The following AHDC1 variants were observed in gnomAD, a reference collection of about 807,000 sequenced individuals.
AHDC1 encodes the protein AT-hook DNA binding motif containing 1, also known as transcription factor Gibbin.
AHDC1 carries 7 observed loss-of-function variants against 87.9 expected under a neutral mutation model. The observed-to-expected ratio is 0.08, with a 90% CI of 0.05 to 0.15. The LOEUF (loss-of-function observed/expected upper bound fraction) is 0.15, where lower values mean the gene tolerates loss of function less well. Ranked by LOEUF, AHDC1 falls within the 10% of genes least tolerant of loss-of-function variation. The pLI, the probability that AHDC1 is intolerant of heterozygous loss-of-function variation, is 1.00. For synonymous variants in AHDC1, 1,051 were observed against 1,006.8 expected, an observed-to-expected ratio of 1.04 and a Z score of -0.83; for missense variants, 1,841 against 2,253.2, an observed-to-expected ratio of 0.82 and a Z score of 3.70.
intron 3 of AHDC1, among the ~76,000 whole-genome samples, chr1:27,570,957 G>A (rs926388149): frequency 6.6e-6 from 1 of 152,048 alleles, no homozygotes; most frequent in African/African-American, 2.4e-5. Context: ...CCACATGAGT[G>A]GCTATAAGGT....
chr1:27,591,563 ACAGC>A (rs1309827016), intron 3 of AHDC1, among the ~76,000 whole-genome samples: 1 of 152,222 alleles, frequency 6.6e-6, no homozygotes, highest in Non-Finnish European at 1.5e-5. Context: ...AGGAGTCCTC[ACAGC>A]CACCCAAGTC....
At position 27,553,574 on chromosome 1, in the gene AHDC1, C is replaced by T. The variant is rs748365292; in HGVS notation, c.-224-389G>A. The T allele has an allele frequency of 5.3e-5, 8 of 152,080 alleles. 1 individual carries two copies. The highest frequency in any genetic ancestry group is 1.2e-4 in the Non-Finnish European group (8 of 68,016). 9.4% of individuals were successfully genotyped at this position (152,080 alleles called of 1,614,324 possible). ...ACATTTTCTGTTGCCAAACACTGGGCCAAGCACTTTATATAGATTATCTCA... is the reference window on the plus strand; with the variant it reads ...ACATTTTCTGTTGCCAAACACTGGGTCAAGCACTTTATATAGATTATCTCA... On this transcript the variant is annotated intron_variant, in intron 5 of 8. Coordinates refer to ENST00000673934, the MANE Select transcript of AHDC1 (RefSeq NM_001371928.1).
chr1:27,537,973 A>G (rs1166891951), intron 8 of AHDC1, among the ~76,000 whole-genome samples: 1 of 152,200 alleles, frequency 6.6e-6, no homozygotes, highest in African/African-American at 2.4e-5. Flanking sequence ...TTGTGCTTTC[A>G]TTTAAGTGAA....
In AHDC1 at chr1:27,563,929, G is replaced by T. The variant is rs906043540; in HGVS notation, c.-628-5046C>A. On this transcript the variant is annotated intron_variant, in intron 3 of 8. Coordinates refer to ENST00000673934, the MANE Select transcript of AHDC1 (RefSeq NM_001371928.1). This position sits in a 1 kb window ranked among gnomAD's most constrained non-coding sequence, Gnocchi z 6.1. Reference sequence around the variant, plus strand: ...GGGCTGAATGAGTGGTGGAGGGAGGGCTGTCCTGAGGCGCTGTTACTATGA... The same window carrying T: ...GGGCTGAATGAGTGGTGGAGGGAGGTCTGTCCTGAGGCGCTGTTACTATGA... Among the ~76,000 whole-genome samples the T allele has an allele frequency of 6.6e-6, 1 of 152,158 alleles. No individual in the cohort carries two copies. Among genetic ancestry groups the T allele is most frequent in the African/African-American group, 2.4e-5 (1 of 41,426 alleles).
chr1:27,588,834 G>A (rs1406548425), intron 3 of AHDC1, among the ~76,000 whole-genome samples: 2 of 152,150 alleles, frequency 1.3e-5, no homozygotes, highest in Admixed American at 6.5e-5. Flanking sequence ...TGTGTGTGAG[G>A]AAGGCTGTGT....
At chr1:27,578,510 A>G (rs1348176775) in intron 3 of AHDC1, among the ~76,000 whole-genome samples, 1 of 151,516 alleles carries the variant, frequency 6.6e-6, no homozygotes, top group East Asian at 2.0e-4. Flanking sequence ...AATCGCTTCA[A>G]CTCGGGAGGT....
rs1282743999 is a variant in AHDC1, at chr1:27,562,252, G to A, written c.-628-3369C>T. 1.3e-5 allele frequency among the ~76,000 whole-genome samples: 2 copies of A among 152,066 alleles called. No individual in the cohort carries two copies. Among genetic ancestry groups the A allele is most frequent in the East Asian group, 3.9e-4 (2 of 5,174 alleles). ...CAGTGCGCCAAGCCTCCCGCCTCCT[G>A]ACCCCCGAGCCTGGGAGAGATAACA... On this transcript the variant is annotated intron_variant, in intron 3 of 8. Coordinates refer to ENST00000673934, the MANE Select transcript of AHDC1 (RefSeq NM_001371928.1). The surrounding 1 kb of genome is among the most constrained non-coding windows in gnomAD (Gnocchi z 4.4).
At chr1:27,601,439 GT>G (rs2089526135) in intron 3 of AHDC1, among the ~76,000 whole-genome samples, 1 of 152,244 alleles carries the variant, frequency 6.6e-6, no homozygotes, top group African/African-American at 2.4e-5. Context: ...CAACTCACTG[GT>G]TTGGGCTGGT....
At position 27,555,067 on chromosome 1, in the gene AHDC1, C is replaced by T. The variant is rs558052281; in HGVS notation, c.-224-1882G>A. On this transcript the variant is annotated intron_variant, in intron 5 of 8. Transcript: ENST00000673934. ...AGCTCCTGTAACAATCCTTCAGCCA[C>T]TTCTGAAAATGCTCCTTCTAGCGCC... Among the ~76,000 whole-genome samples the T allele has an allele frequency of 3.3e-5, 5 of 152,348 alleles. No homozygotes were observed. The South Asian group carries it at 8.3e-4, about 25-fold the overall frequency.
chr1:27,586,210 C>G (rs1571326162), intron 3 of AHDC1, among the ~76,000 whole-genome samples: 1 of 152,194 alleles, frequency 6.6e-6, no homozygotes, highest in Non-Finnish European at 1.5e-5. Flanking sequence ...CAGGCAGGGG[C>G]CTCAGGTCAG....
chr1:27,573,789 C>T (rs867379636), intron 3 of AHDC1, among the ~76,000 whole-genome samples: 2 of 152,176 alleles, frequency 1.3e-5, no homozygotes, highest in Non-Finnish European at 2.9e-5. Context: ...GAAGCCTCTG[C>T]GATGCATGAG....
rs750672480 is a variant in AHDC1 at position 27,550,725 on chromosome 1, C to A, written c.1391G>T (p.Arg464Leu). 3.8e-6 allele frequency: 6 copies of A among 1,596,856 alleles called. No individual in the cohort carries two copies. Among genetic ancestry groups the A allele is most frequent in the Non-Finnish European group, 5.1e-6 (6 of 1,172,398 alleles). ...CCGCACGCCCCGGCACTTGCCTTTG[C>A]GGGTAGAGACCACTGGGGTCTGGGA... The part of the protein sequence containing the change: ...ESSQTPVVST[R>L]KGKCRGVRRM... Residue 464 changes from arginine (R) to leucine (L), a missense_variant, in exon 8 of 9, where the codon CGC becomes CTC. Coordinates refer to ENST00000673934, the MANE Select transcript of AHDC1 (RefSeq NM_001371928.1).
intron 8 of AHDC1, among the ~76,000 whole-genome samples, chr1:27,538,863 T>C (rs2018776125): frequency 6.6e-6 from 1 of 152,028 alleles, no homozygotes; most frequent in South Asian, 2.1e-4. Context: ...ATGGGAGAGA[T>C]CTTCCGGCAC....
At position 27,575,450 on chromosome 1, in the gene AHDC1, CG is replaced by C. The variant is rs1183888509; in HGVS notation, c.-628-16568del. Among the ~76,000 whole-genome samples, 40 of 152,242 alleles carry C rather than the reference CG, an allele frequency of 2.6e-4. 2 individuals carry two copies. Among genetic ancestry groups the C allele is most frequent in the African/African-American group, 9.4e-4 (39 of 41,570 alleles). On this transcript the variant is annotated intron_variant, in intron 3 of 8. Coordinates refer to ENST00000673934, the MANE Select transcript of AHDC1 (RefSeq NM_001371928.1). ...TCTCTCCACTCCCGCAGTCTGGGGC[CG>C]GGCGGCGAGGTCTCCCCCCACCACC...
chr1:27,589,221 C>T (rs1470370861), intron 3 of AHDC1, among the ~76,000 whole-genome samples: 4 of 152,122 alleles, frequency 2.6e-5, no homozygotes, highest in East Asian at 1.9e-4. Context: ...AGGTCGAGGA[C>T]GAGGCCCAGA....
intron 5 of AHDC1, 62 bp from the exon 6 acceptor site, chr1:27,553,247 G>A (rs1348333614): frequency 1.3e-5 from 2 of 152,528 alleles, no homozygotes; most frequent in African/African-American, 4.8e-5. Context: ...GTACTGGGCT[G>A]GAAGCTGTCC....
chr1:27,556,516 C>A (rs1017853495), intron 5 of AHDC1, among the ~76,000 whole-genome samples: 1 of 152,094 alleles, frequency 6.6e-6, no homozygotes, highest in African/African-American at 2.4e-5. Flanking sequence ...TCCTTCCCTT[C>A]AGCCGCCTAC....
chr1:27,545,294 G>A (rs1463798335), intron 8 of AHDC1, among the ~76,000 whole-genome samples: 2 of 152,078 alleles, frequency 1.3e-5, no homozygotes, highest in African/African-American at 4.8e-5. Flanking sequence ...CCAATGCCTG[G>A]CTTCTAGTGG....
rs1412057449 is a variant in AHDC1 at position 27,547,490 on chromosome 1, G to A, written c.4626C>T (p.Leu1542=). The part of the protein sequence containing the change: ...AAAAAGYGCP[L]LSDLTLSPVP... ...CGGGGGACAGGGTCAAGTCACTAAGGAGTGGGCAGCCATAGCCAGCAGCGG... is the reference window on the plus strand; with the variant it reads ...CGGGGGACAGGGTCAAGTCACTAAGAAGTGGGCAGCCATAGCCAGCAGCGG... The change falls in exon 8 of 9, where the codon CTC becomes CTT. Residue 1542 remains leucine (L), a synonymous_variant. Coordinates refer to ENST00000673934, the MANE Select transcript of AHDC1 (RefSeq NM_001371928.1). This position sits in a 1 kb window ranked among gnomAD's most constrained non-coding sequence, Gnocchi z 4.9. 7 of 1,605,438 alleles carry A rather than the reference G, an allele frequency of 4.4e-6. No homozygotes were observed. The highest frequency in any genetic ancestry group is 2.2e-5 in the East Asian group (1 of 44,688).
Sources: gnomAD v4.1 joint callset for allele counts (sites outside exome capture counted in the v4.1 genomes callset) on GRCh38, gnomAD v4.1.1 for gene constraint, Gnocchi (gnomAD v3.1) non-coding constraint, MANE v1.5 for transcripts, NCBI Gene and HGNC (gene_info 2026-07-23, HGNC 2026-07-21) for gene names.